MROH2A: variants seen among roughly 807,000 people sequenced by gnomAD.
MROH2A encodes the protein maestro heat like repeat family member 2A.
A neutral mutation model predicts 200.4 loss-of-function variants in MROH2A; 174 were observed. The observed-to-expected ratio is 0.87, with a 90% confidence interval of 0.77 to 0.98. The LOEUF is 0.98. Ranked by LOEUF, MROH2A falls within the 50% of genes least tolerant of loss-of-function variation. The pLI is 0.00. For synonymous variants in MROH2A, 829 were observed against 840.4 expected, an observed-to-expected ratio of 0.99 and a Z score of 0.23; for missense variants, 2,045 against 2,139.6, an observed-to-expected ratio of 0.96 and a Z score of 0.87.
chr2:233,776,488 C>T (rs62191947), upstream of MROH2A, among the ~76,000 whole-genome samples: 1 of 151,682 alleles, frequency 6.6e-6, no homozygotes, highest in Non-Finnish European at 1.5e-5. Flanking sequence ...TCCTGAGTAG[C>T]TGGGATTACA....
chr2:233,779,831 C>G lies in MROH2A; in HGVS notation c.255C>G (p.Ile85Met), dbSNP rs759600650. Residue 85 changes from isoleucine (I) to methionine (M), a missense_variant, in exon 3 of 42, where the codon ATC (isoleucine) becomes ATG (methionine). Around this residue, in one of 3 missense-constraint regions of MROH2A, gnomAD observed 831 missense variants for 800.0 expected, o/e 1.04. Coordinates refer to ENST00000389758, the MANE Select transcript of MROH2A (RefSeq NM_001394639.1). ...CTTCTGTAGTGATAAACACTCTCAT[C>G]CGCTGCCTGCAGGTGCCAGAGGTAG... ...TEPSVVINTLIRCLQVPEIST... is the reference protein window; with the variant it reads ...TEPSVVINTLMRCLQVPEIST... The G allele has an allele frequency of 3.4e-5, 53 of 1,550,130 alleles. 1 individual carries two copies. The Middle Eastern group carries it at 1.4e-3, about 41-fold the overall frequency.
intron 33 of MROH2A, 28 bp from the exon 34 acceptor site, chr2:233,822,853 C>T (rs1413307423): frequency 1.1e-5 from 17 of 1,548,918 alleles, no homozygotes; most frequent in Middle Eastern, 1.7e-4. Context: ...AGCAGGGCAG[C>T]GCATCACAAG....
chr2:233,817,632 A>G (rs1042465544), intron 27 of MROH2A, among the ~76,000 whole-genome samples: 20 of 152,336 alleles, frequency 1.3e-4, no homozygotes, highest in African/African-American at 4.6e-4. Context: ...GACAGGAAAC[A>G]TGAGACTGAG....
chr2:233,830,613 GGATGGCCCA>G (rs1297188933), intron 38 of MROH2A, among the ~76,000 whole-genome samples: 13 of 64,230 alleles, frequency 2.0e-4, no homozygotes, highest in Non-Finnish European at 5.3e-4. Flanking sequence ...GGCCCAGGTG[GGATGGCCCA>G]GGTGGCCCAG....
intron 33 of MROH2A, 89 bp from the exon 34 acceptor site, chr2:233,822,792 C>A: frequency 6.7e-7 from 1 of 1,490,810 alleles, no homozygotes; most frequent in South Asian, 1.3e-5. Flanking sequence ...CCGGCAGGCA[C>A]TGGGGCCCCA....
Position 233,796,283 on chromosome 2 carries a change from A to G in MROH2A, c.1222A>G (p.Asn408Asp), listed in dbSNP as rs2126116274. 1 of 1,289,966 alleles carries G rather than the reference A, an allele frequency of 7.8e-7. No homozygotes were observed. Among genetic ancestry groups the G allele is most frequent in the Non-Finnish European group, 1.0e-6 (1 of 988,438 alleles). 79.9% of individuals were successfully genotyped at this position (1,289,966 alleles called of 1,614,324 possible). A position where few individuals can be genotyped will look rare whatever the true frequency, so the allele number is the denominator to read the frequency against. ...GGAGGCCGTCCGCGTGGGGACTCTG[A>G]ATCTGATTAGGGCTATAGTGAGCGC... is the stretch of plus-strand genomic sequence containing the variant. ...NKEAVRVGTL[N>D]LIRAIVSADE... is the part of the protein sequence containing the mutation. The change falls in exon 11 of 42, where the codon AAT (asparagine) becomes GAT (aspartate). Residue 408 changes from asparagine (N) to aspartate (D), a missense_variant. Physicochemically the swap from Asn to Asp is conservative, Grantham distance 23. Transcript: ENST00000389758.
At chr2:233,825,769 G>A (rs1240720631) in intron 35 of MROH2A, among the ~76,000 whole-genome samples, 1 of 152,056 alleles carries the variant, frequency 6.6e-6, no homozygotes, top group Non-Finnish European at 1.5e-5. Flanking sequence ...ATATTGGCCT[G>A]AAGTTTTCTT....
chr2:233,833,117 CCT>C lies in MROH2A; in HGVS notation c.4904-18_4904-17del. ...CTGACTGGGCGGGGCCTGAACCTTC[CCT>C]CTTTGTGTTCTCTCTCAGCCCTCCA... is the stretch of plus-strand genomic sequence containing the variant. On this transcript the variant is annotated intron_variant, in intron 41 of 41. Coordinates refer to ENST00000389758, the MANE Select transcript of MROH2A (RefSeq NM_001394639.1). 1 of 1,527,424 alleles carries C rather than the reference CCT, an allele frequency of 6.5e-7. No homozygotes were observed. Among genetic ancestry groups the C allele is most frequent in the Admixed American group, 2.2e-5 (1 of 46,158 alleles). The allele number at this position is 1,527,424 out of a possible 1,614,324, so 94.6% of individuals were successfully genotyped here.
chr2:233,789,060 C>T (rs1307513976), intron 3 of MROH2A, among the ~76,000 whole-genome samples: 1 of 150,578 alleles, frequency 6.6e-6, no homozygotes, highest in African/African-American at 2.4e-5. Flanking sequence ...CAATCCCATC[C>T]TAAACCAGGT....
intron 16 of MROH2A, 46 bp downstream of exon 16, chr2:233,803,534 C>A (rs1347929721): frequency 2.6e-6 from 4 of 1,543,840 alleles, no homozygotes; most frequent in South Asian, 1.2e-5. Flanking sequence ...AAGGCCATGC[C>A]CTGTGGCACC....
At position 233,828,997 on chromosome 2, in the gene MROH2A, G is replaced by A; in HGVS notation, c.4371G>A (p.Leu1457=). 6.4e-7 allele frequency: 1 copy of A among 1,550,508 alleles called. No homozygotes were observed. The highest frequency in any genetic ancestry group is 8.7e-7 in the Non-Finnish European group (1 of 1,146,968). The change falls in exon 37 of 42, where the codon CTG becomes CTA. Residue 1457 remains leucine, a synonymous_variant. Transcript: ENST00000389758. The surrounding 1 kb of genome is among the most constrained non-coding windows in gnomAD (Gnocchi z 4.6). ...AEGMEALTKI[L]AELREGDVGS... is the part of the protein sequence containing the mutation. ...GCATGGAGGCCCTGACCAAGATCCT[G>A]GCTGAGCTCCGGGAAGGGGATGTGG...
In MROH2A at chr2:233,789,880, C is replaced by T; in HGVS notation, c.437C>T (p.Ala146Val). The change falls in exon 5 of 42, where the codon GCC becomes GTC. Residue 146 changes from alanine to valine, a missense_variant. By Grantham distance (64) the Ala-to-Val change is moderately conservative (BLOSUM62 0). Around this residue, in one of 3 missense-constraint regions of MROH2A, gnomAD observed 831 missense variants for 800.0 expected, o/e 1.04. Coordinates refer to ENST00000389758, the MANE Select transcript of MROH2A (RefSeq NM_001394639.1). ...EMEGYMKAEV[A>V]SDTLVALSRN... ...GAGGGCTATATGAAGGCAGAGGTGG[C>T]CAGCGACACACTGGTGGCTCTGTCC... The T allele has an allele frequency of 6.5e-7, 1 of 1,550,168 alleles. No homozygotes were observed.
At position 233,793,701 on chromosome 2, in the gene MROH2A, G is replaced by A; in HGVS notation, c.699G>A (p.Gln233=). The change falls in exon 7 of 42, where the codon CAG becomes CAA. Residue 233 remains glutamine, a synonymous_variant. Coordinates refer to ENST00000389758, the MANE Select transcript of MROH2A (RefSeq NM_001394639.1). ...TGGAGACCTTCTGTGAGACGGTGCA[G>A]TTTTATCTGAAGCACCTGGAGGAGA... ...SAMETFCETV[Q]FYLKHLEESV... 6.8e-7 allele frequency: 1 copy of A among 1,459,946 alleles called. No homozygotes were observed. The highest frequency in any genetic ancestry group is 9.1e-7 in the Non-Finnish European group (1 of 1,102,782). 90.4% of individuals were successfully genotyped at this position (1,459,946 alleles called of 1,614,324 possible).
At chr2:233,784,783 C>A (rs1026468989) in intron 3 of MROH2A, among the ~76,000 whole-genome samples, 6 of 152,174 alleles carry the variant, frequency 3.9e-5, no homozygotes, top group Non-Finnish European at 8.8e-5. Context: ...CCAAAATAAA[C>A]CACTTTTCTT....
At chr2:233,815,845 CT>C (rs5839494) in intron 26 of MROH2A, among the ~76,000 whole-genome samples, 19,687 of 128,656 alleles carry the variant, frequency 0.15, 1,747 homozygotes, top group African/African-American at 0.31. Context: ...TTAGATTTTG[CT>C]TTTTTTTTTT....
Position 233,813,711 on chromosome 2 carries a change from T to C in MROH2A, c.2693T>C (p.Leu898Pro). The C allele has an allele frequency of 6.5e-7, 1 of 1,550,350 alleles. No homozygotes were observed. The highest frequency in any genetic ancestry group is 8.7e-7 in the Non-Finnish European group (1 of 1,146,800). Reference protein sequence around the residue: ...PFYSTEENSELMDISIHSVIS... With the variant: ...PFYSTEENSEPMDISIHSVIS... ...TACTCCACAGAGGAAAACAGTGAGC[T>C]GATGGATATCAGCATACATTCTGTA... The change falls in exon 25 of 42, where the codon CTG (leucine) becomes CCG (proline). Residue 898 changes from leucine (L) to proline (P), a missense_variant. This residue lies in a region of MROH2A where 1,201 missense variants were observed against 1,311.3 expected (regional missense o/e 0.92). Coordinates refer to ENST00000389758, the MANE Select transcript of MROH2A (RefSeq NM_001394639.1).
intron 27 of MROH2A, among the ~76,000 whole-genome samples, chr2:233,817,158 A>G (rs1285442624): frequency 6.6e-6 from 1 of 152,152 alleles, no homozygotes; most frequent in Non-Finnish European, 1.5e-5. Context: ...TATGAACCCC[A>G]CATTGGCTAG....
At chr2:233,793,541 T>C in intron 6 of MROH2A, 132 bp from the exon 7 acceptor site, 1 of 789,638 alleles carries the variant, frequency 1.3e-6, no homozygotes. Flanking sequence ...TGTGGGGGGT[T>C]GGAAGGGCAG....
At chr2:233,816,663 C>T (rs1703552054) in intron 26 of MROH2A, 118 bp from the exon 27 acceptor site, 1 of 633,956 alleles carries the variant, frequency 1.6e-6, no homozygotes. Flanking sequence ...TGTCTAGAAC[C>T]ACAAGGAAGC....
Sources: gnomAD v4.1 joint callset for allele counts (sites outside exome capture counted in the v4.1 genomes callset) on GRCh38, gnomAD v4.1.1 for gene constraint, gnomAD v4.1.1 regional missense constraint, Gnocchi (gnomAD v3.1) non-coding constraint, MANE v1.5 for transcripts, NCBI Gene and HGNC (gene_info 2026-07-23, HGNC 2026-07-21) for gene names.